CHCHD2: variants seen among roughly 807,000 people sequenced by gnomAD.
CHCHD2 encodes coiled-coil-helix-coiled-coil-helix domain-containing protein 2.
CHCHD2 carries 17 observed loss-of-function variants against 17.5 expected under a neutral mutation model. That is an observed-to-expected ratio of 0.97 (90% confidence interval 0.67 to 1.46). The LOEUF is 1.46. Ranked by LOEUF, CHCHD2 falls within the 40% of genes most tolerant of loss-of-function variation. The pLI is 0.00. For missense variants in CHCHD2, 175 were observed against 199.9 expected (o/e 0.88, Z 0.75); for synonymous variants, 63 against 74.3 (o/e 0.85, Z 0.78).
intron 1 of CHCHD2, among the ~76,000 whole-genome samples, chr7:56,104,759 G>A (rs1410562338): frequency 6.6e-6 from 1 of 151,278 alleles, no homozygotes; most frequent in Non-Finnish European, 1.5e-5. Flanking sequence ...AGGCACCCGC[G>A]ACCACCTCCG....
Position 56,104,251 on chromosome 7 carries a change from G to C in CHCHD2, c.275C>G (p.Pro92Arg). Reference sequence around the variant, plus strand: ...CTGGTAAGTGATGTCAGGCCTCGCAGGCTCAGCATTACTTCCTCCACTGAA... The same window carrying C: ...CTGGTAAGTGATGTCAGGCCTCGCACGCTCAGCATTACTTCCTCCACTGAA... ...GGFSGGSNAE[P>R]ARPDITYQEP... Residue 92 changes from proline (P) to arginine (R), a missense_variant, in exon 2 of 4, where the codon CCT (proline) becomes CGT (arginine). By Grantham distance (103) the Pro-to-Arg change is moderately radical. Coordinates refer to ENST00000395422, the MANE Select transcript of CHCHD2 (RefSeq NM_016139.4). 1 of 1,613,466 alleles carries C rather than the reference G, an allele frequency of 6.2e-7. No individual in the cohort carries two copies. Among genetic ancestry groups the C allele is most frequent in the Non-Finnish European group, 8.5e-7 (1 of 1,179,442 alleles).
chr7:56,102,951 A>C lies in CHCHD2; in HGVS notation c.361T>G (p.Phe121Val), dbSNP rs1785316360. ...QQPCLYEIKQ[F>V]LECAQNQGDI... is the part of the protein sequence containing the mutation. ...CCCTGGTTCTGGGCACACTCCAGAA[A>C]CTGTTTGATCTCATAGAGGCAAGGC... Residue 121 changes from phenylalanine to valine, a missense_variant, in exon 3 of 4, where the codon TTT becomes GTT. Transcript: ENST00000395422. 3.1e-6 allele frequency: 5 copies of C among 1,614,034 alleles called. No homozygotes were observed. The South Asian group carries it at 5.5e-5, about 18-fold the overall frequency.
chr7:56,105,391 T>C (rs1785364017), intron 1 of CHCHD2, among the ~76,000 whole-genome samples: 1 of 152,220 alleles, frequency 6.6e-6, no homozygotes, highest in African/African-American at 2.4e-5. Flanking sequence ...CATTCAAGTA[T>C]TAGGTAACTA....
At chr7:56,103,536 C>T (rs1464581264) in intron 2 of CHCHD2, among the ~76,000 whole-genome samples, 2 of 152,158 alleles carry the variant, frequency 1.3e-5, no homozygotes. Context: ...TCAAGCAATC[C>T]CTTCACTTCA....
In CHCHD2 at chr7:56,103,005, G is replaced by A. The variant is rs750152450; in HGVS notation, c.307C>T (p.Gln103Ter). 1 of 1,614,202 alleles carries A rather than the reference G, an allele frequency of 6.2e-7. No individual in the cohort carries two copies. The highest frequency in any genetic ancestry group is 1.1e-5 in the South Asian group (1 of 91,086). The change falls in exon 3 of 4, where the codon CAG (glutamine) becomes TAG (stop). Residue 103 changes from glutamine to a stop codon, truncating the protein, a stop_gained. Coordinates refer to ENST00000395422, the MANE Select transcript of CHCHD2 (RefSeq NM_016139.4). LOFTEE classifies it high-confidence loss of function. Reference sequence around the variant, plus strand: ...TGCTGCTGTGCTGGCTGGGTTCCCTGAGGCTCCTGCAAAGGCAAAACATTC... The same window carrying A: ...TGCTGCTGTGCTGGCTGGGTTCCCTAAGGCTCCTGCAAAGGCAAAACATTC... ...ARPDITYQEP[Q>*]GTQPAQQQQP...
Position 56,102,983 on chromosome 7 carries a change from T to A in CHCHD2, c.329A>T (p.Gln110Leu). The A allele has an allele frequency of 6.2e-7, 1 of 1,614,248 alleles. No homozygotes were observed. The highest frequency in any genetic ancestry group is 1.3e-5 in the African/African-American group (1 of 75,068). The stretch of plus-strand genomic sequence containing the variant: ...GATCTCATAGAGGCAAGGCTGCTGC[T>A]GCTGTGCTGGCTGGGTTCCCTGAGG... ...QEPQGTQPAQ[Q>L]QQPCLYEIKQ... The change falls in exon 3 of 4, where the codon CAG becomes CTG. Residue 110 changes from glutamine to leucine, a missense_variant. Gln to Leu is a moderately radical substitution (Grantham distance 113, BLOSUM62 -2). Transcript: ENST00000395422.
rs773975043 is a variant in CHCHD2 at position 56,106,429 on chromosome 7, G to A, written c.-16C>T. On this transcript the variant is annotated 5_prime_UTR_variant, in exon 1 of 4. Transcript: ENST00000395422. ...CACGCGGCATCCTAGGTAAGCGACGGCTAGGCCTCCGGACGTGGGACAACC... is the reference window on the plus strand; with the variant it reads ...CACGCGGCATCCTAGGTAAGCGACGACTAGGCCTCCGGACGTGGGACAACC... 6.2e-7 allele frequency: 1 copy of A among 1,613,026 alleles called. No homozygotes were observed. Among genetic ancestry groups the A allele is most frequent in the African/African-American group, 1.3e-5 (1 of 74,906 alleles).
intron 2 of CHCHD2, 111 bp from the exon 3 acceptor site, chr7:56,103,122 A>G (rs1279552934): frequency 1.4e-5 from 14 of 1,036,100 alleles, no homozygotes. Flanking sequence ...CTAGCACCAG[A>G]TGCTAATTAA....
intron 1 of CHCHD2, among the ~76,000 whole-genome samples, chr7:56,105,789 T>C (rs1487992291): frequency 1.3e-5 from 2 of 152,090 alleles, no homozygotes. Context: ...ACTCAAAATA[T>C]AAATAAATAA....
intron 1 of CHCHD2, among the ~76,000 whole-genome samples, chr7:56,104,885 C>G (rs1785355656): frequency 6.6e-6 from 1 of 151,788 alleles, no homozygotes; most frequent in African/African-American, 2.4e-5. Flanking sequence ...GCTGGGATTA[C>G]AGGTGTGAAC....
At chr7:56,103,036 T>C in intron 2 of CHCHD2, 25 bp from the exon 3 acceptor site, 2 of 1,613,854 alleles carry the variant, frequency 1.2e-6, no homozygotes, top group Non-Finnish European at 1.7e-6. Context: ...CATTCAACAT[T>C]GCTGAGAAAG....
Position 56,101,618 on chromosome 7 carries a change from TCATAA to T in CHCHD2, c.*228_*232del, listed in dbSNP as rs1785286477. The stretch of plus-strand genomic sequence containing the variant: ...TCTAATTAACTCACAAAGAATAAAA[TCATAA>T]CATAACAGCTAGTTTAAGGAGGCCA... On this transcript the variant is annotated 3_prime_UTR_variant, in exon 4 of 4. Transcript: ENST00000395422. The T allele has an allele frequency of 1.0e-5, 5 of 479,936 alleles. No individual in the cohort carries two copies. Among genetic ancestry groups the T allele is most frequent in the Admixed American group, 4.0e-5 (1 of 25,306 alleles). The allele number at this position is 479,936 out of a possible 1,614,324, so 29.7% of individuals were successfully genotyped here.
intron 2 of CHCHD2, 114 bp from the exon 3 acceptor site, chr7:56,103,125 CTAAT>C (rs1785319287): frequency 8.0e-6 from 8 of 1,002,672 alleles, no homozygotes; most frequent in Non-Finnish European, 9.0e-6. Context: ...GCACCAGATG[CTAAT>C]TAAAGTTTCC....
rs749822788 is a variant in CHCHD2, at chr7:56,106,406, C to T, written c.8G>A (p.Arg3His). The change falls in exon 1 of 4, where the codon CGT becomes CAT. Residue 3 changes from arginine to histidine, a missense_variant. Transcript: ENST00000395422. ...GCGGGAGGTGCGGCTTCGGCTTCCACGCGGCATCCTAGGTAAGCGACGGCT... is the reference window on the plus strand; with the variant it reads ...GCGGGAGGTGCGGCTTCGGCTTCCATGCGGCATCCTAGGTAAGCGACGGCT... Reference protein sequence around the residue: MPRGSRSRTSRMA... With the variant: MPHGSRSRTSRMA... 14 of 1,613,442 alleles carry T rather than the reference C, an allele frequency of 8.7e-6. No individual in the cohort carries two copies. Among genetic ancestry groups the T allele is most frequent in the Non-Finnish European group, 1.2e-5 (14 of 1,179,768 alleles).
Position 56,104,291 on chromosome 7 carries a change from C to T in CHCHD2, c.235G>A (p.Ala79Thr), listed in dbSNP as rs200784526. The part of the protein sequence containing the change: ...GSAVGHTLGH[A>T]ITGGFSGGSN... ...CCTCCACTGAAGCCCCCAGTAATGG[C>T]GTGACCCAATGTGTGCCCCACAGCA... The change falls in exon 2 of 4, where the codon GCC becomes ACC. Residue 79 changes from alanine (A) to threonine (T), a missense_variant. Transcript: ENST00000395422. The T allele has an allele frequency of 2.2e-5, 35 of 1,613,720 alleles. No individual in the cohort carries two copies. In the Admixed American group the frequency reaches 3.0e-4, roughly 14 times the overall value.
intron 1 of CHCHD2, among the ~76,000 whole-genome samples, chr7:56,105,260 TC>T (rs1353308174): frequency 2.0e-5 from 3 of 152,232 alleles, no homozygotes; most frequent in Non-Finnish European, 4.4e-5. Flanking sequence ...ACTAGTTTTT[TC>T]TGCTTCTTTG....
Position 56,106,363 on chromosome 7 carries a change from C to T in CHCHD2, c.50+1G>A, listed in dbSNP as rs749606287. ...GGTCTCAAACCCTGCGATGGTCTCA[C>T]CTGGCCGGAGGGGCCATGCGGGAGG... On this transcript the variant is annotated splice_donor_variant, in intron 1 of 3. Coordinates refer to ENST00000395422, the MANE Select transcript of CHCHD2 (RefSeq NM_016139.4). LOFTEE classifies it high-confidence loss of function. 5.6e-6 allele frequency: 9 copies of T among 1,613,296 alleles called. No individual in the cohort carries two copies. Among genetic ancestry groups the T allele is most frequent in the Non-Finnish European group, 7.6e-6 (9 of 1,179,576 alleles).
chr7:56,101,650 A>G lies in CHCHD2; in HGVS notation c.*201T>C. 1 of 518,930 alleles carries G rather than the reference A, an allele frequency of 1.9e-6. No individual in the cohort carries two copies. The highest frequency in any genetic ancestry group is 3.5e-6 in the Non-Finnish European group (1 of 285,966). 32.1% of individuals were successfully genotyped at this position (518,930 alleles called of 1,614,324 possible). A position where few individuals can be genotyped will look rare whatever the true frequency, so the allele number is the denominator to read the frequency against. ...ATAACAGCTAGTTTAAGGAGGCCAC[A>G]CAAACATTTGCCCAGTCCCAGATTC... On this transcript the variant is annotated 3_prime_UTR_variant, in exon 4 of 4. Coordinates refer to ENST00000395422, the MANE Select transcript of CHCHD2 (RefSeq NM_016139.4).
chr7:56,103,121 G>T, intron 2 of CHCHD2, 110 bp from the exon 3 acceptor site: 1 of 1,048,720 alleles, frequency 9.5e-7, no homozygotes, highest in Non-Finnish European at 1.4e-6. Context: ...ACTAGCACCA[G>T]ATGCTAATTA....
Sources: allele counts gnomAD v4.1 joint callset (sites outside exome capture counted in the v4.1 genomes callset), GRCh38; gene constraint gnomAD v4.1.1; transcripts MANE v1.5; gene names NCBI Gene and HGNC (gene_info 2026-07-23, HGNC 2026-07-21).